Variants in SMC6 observed in about 807,000 individuals in gnomAD.
SMC6 encodes the protein structural maintenance of chromosomes 6.
SMC6 carries 79 observed loss-of-function variants against 142.2 expected under a neutral mutation model. The ratio of observed to expected loss-of-function variants is 0.56; its 90% CI spans 0.46 to 0.67. The LOEUF (loss-of-function observed/expected upper bound fraction) is 0.67, where lower values mean the gene tolerates loss of function less well. Among genes scored for constraint, SMC6 ranks in the 30% least tolerant of loss-of-function variants. The pLI is 0.00. For missense variants in SMC6, 1,072 were observed against 1,284.0 expected, an observed-to-expected ratio of 0.83 and a Z score of 2.52; for synonymous variants, 411 against 412.4, an observed-to-expected ratio of 1.00 and a Z score of 0.04.
Position 17,670,637 on chromosome 2 carries a change from C to T in SMC6, c.2911-62G>A, listed in dbSNP as rs1191337422. 2.2e-6 allele frequency: 3 copies of T among 1,390,106 alleles called. No individual in the cohort carries two copies. In the African/African-American group the frequency reaches 4.5e-5, roughly 21 times the overall value. 86.1% of individuals were successfully genotyped at this position (1,390,106 alleles called of 1,614,324 possible). On this transcript the variant is annotated intron_variant, in intron 25 of 27. Coordinates refer to ENST00000448223, the MANE Select transcript of SMC6 (RefSeq NM_001142286.2). ...AGTAAATGAAAGGCCAGATTAAATT[C>T]TTTACAAGACAGATAAATAATAGAT...
chr2:17,717,028 A>G (rs1226232469), intron 13 of SMC6, 60 bp downstream of exon 13: 2 of 1,545,974 alleles, frequency 1.3e-6, no homozygotes, highest in East Asian at 2.3e-5. Flanking sequence ...ACTCCAATGC[A>G]TCTACCTTAC....
chr2:17,664,662 G>T lies in SMC6; in HGVS notation c.*837C>A, dbSNP rs767546164. ...TTTTAACACCCCTCAATTAGGATGAGTCTTAGAATTGATGTCAGCTCACCA... is the reference window on the plus strand; with the variant it reads ...TTTTAACACCCCTCAATTAGGATGATTCTTAGAATTGATGTCAGCTCACCA... On this transcript the variant is annotated 3_prime_UTR_variant, in exon 28 of 28. Coordinates refer to ENST00000448223, the MANE Select transcript of SMC6 (RefSeq NM_001142286.2). The T allele has an allele frequency of 6.6e-6, 1 of 152,172 alleles. No homozygotes were observed. Among genetic ancestry groups the T allele is most frequent in the African/African-American group, 2.4e-5 (1 of 41,438 alleles). The allele number at this position is 152,172 out of a possible 1,614,324, so 9.4% of individuals were successfully genotyped here.
At chr2:17,728,192 T>C (rs1440604085) in intron 7 of SMC6, among the ~76,000 whole-genome samples, 1 of 152,198 alleles carries the variant, frequency 6.6e-6, no homozygotes. Context: ...TCTCAGCACT[T>C]TGGGAGGCTG....
intron 21 of SMC6, among the ~76,000 whole-genome samples, chr2:17,697,173 T>TGGCGTCTA (rs1211048921): frequency 1.3e-5 from 2 of 152,052 alleles, no homozygotes; most frequent in Non-Finnish European, 2.9e-5. Flanking sequence ...TCCAGTCTCA[T>TGGCGTCTA]GGCGTCTATT....
intron 25 of SMC6, among the ~76,000 whole-genome samples, chr2:17,675,952 C>T (rs1005465548): frequency 1.3e-5 from 2 of 152,096 alleles, no homozygotes; most frequent in Admixed American, 6.6e-5. Context: ...TCTTTCTGCT[C>T]ATTCTTTGTT....
intron 16 of SMC6, among the ~76,000 whole-genome samples, chr2:17,710,005 A>T (rs1412501213): frequency 2.0e-5 from 3 of 152,202 alleles, no homozygotes; most frequent in Admixed American, 2.0e-4. Flanking sequence ...CCAGGCCTAG[A>T]GGTCACAGTC....
In SMC6 at chr2:17,723,276, C is replaced by T. The variant is rs1242783198; in HGVS notation, c.726+1981G>A. Among the ~76,000 whole-genome samples, 5 of 152,310 alleles carry T rather than the reference C, an allele frequency of 3.3e-5. 2 individuals carry two copies. In the South Asian group the frequency reaches 8.3e-4, roughly 25 times the overall value. ...AATGCCTTCTTAATCAATCTTTCCA[C>T]ATCTCTTCTCTCCTTATAGCAGTTC... On this transcript the variant is annotated intron_variant, in intron 9 of 27. Coordinates refer to ENST00000448223, the MANE Select transcript of SMC6 (RefSeq NM_001142286.2).
rs1414881131 is a variant in SMC6, at chr2:17,721,232, T to C, written c.756A>G (p.Val252=). 1.9e-6 allele frequency: 3 copies of C among 1,608,760 alleles called. No homozygotes were observed. Among genetic ancestry groups the C allele is most frequent in the Admixed American group, 1.7e-5 (1 of 58,776 alleles). ...TACTTTGAAAACGTTCCTCTTTCTC[T>C]ACACACTGGCGCTTTAGTTCAGTAA... ...ERLTELKRQC[V]EKEERFQSIA... is the part of the protein sequence containing the mutation. Residue 252 remains valine (V), a synonymous_variant, in exon 10 of 28, where the codon GTA becomes GTG. Transcript: ENST00000448223.
chr2:17,718,804 T>G (rs1207408444), intron 11 of SMC6, among the ~76,000 whole-genome samples: 2 of 152,028 alleles, frequency 1.3e-5, no homozygotes, highest in African/African-American at 4.8e-5. Context: ...GATGAAGGGG[T>G]AGAAGGGCCT....
chr2:17,740,953 T>G, intron 4 of SMC6: 1 of 286,358 alleles, frequency 3.5e-6, no homozygotes, highest in Non-Finnish European at 6.8e-6. Flanking sequence ...TTCAAACTCT[T>G]TAACATGACA....
chr2:17,703,411 G>T, intron 18 of SMC6, 119 bp from the exon 19 acceptor site: 2 of 799,838 alleles, frequency 2.5e-6, no homozygotes, highest in Non-Finnish European at 3.8e-6. Context: ...ATCCTTTTCA[G>T]TTAAACCAGT....
At chr2:17,692,774 C>A (rs1265863482) in intron 23 of SMC6, among the ~76,000 whole-genome samples, 1 of 152,194 alleles carries the variant, frequency 6.6e-6, no homozygotes, top group East Asian at 1.9e-4. Flanking sequence ...AGGCAACCTA[C>A]AGAATGGGAG....
At chr2:17,702,878 T>C (rs1668338552) in intron 19 of SMC6, among the ~76,000 whole-genome samples, 1 of 152,226 alleles carries the variant, frequency 6.6e-6, no homozygotes, top group South Asian at 2.1e-4. Context: ...TAAACCTCTT[T>C]TTCTTTATTA....
Position 17,716,883 on chromosome 2 carries a change from C to A in SMC6, c.1204G>T (p.Glu402Ter). 6.2e-7 allele frequency: 1 copy of A among 1,609,884 alleles called. No homozygotes were observed. Among genetic ancestry groups the A allele is most frequent in the Non-Finnish European group, 8.5e-7 (1 of 1,178,884 alleles). ...ATTTTTTTTTGTCTTTCCAACCGTT[C>A]AGGTTCCAAAGATTGGTCAGTACTA... The part of the protein sequence containing the change: ...KKSTDQSLEP[E>*]RLERQKKISW... Residue 402 changes from glutamate to a stop codon, truncating the protein, a stop_gained, in exon 14 of 28, where the codon GAA becomes TAA. Transcript: ENST00000448223. LOFTEE classifies it high-confidence loss of function.
chr2:17,722,184 T>G (rs1669402683), intron 9 of SMC6, among the ~76,000 whole-genome samples: 1 of 151,938 alleles, frequency 6.6e-6, no homozygotes, highest in African/African-American at 2.4e-5. Flanking sequence ...CCTCATTCAT[T>G]CCCTCTCTCC....
chr2:17,738,505 A>G (rs1670268862), intron 4 of SMC6, among the ~76,000 whole-genome samples, 179 bp from the exon 5 acceptor site: 1 of 152,222 alleles, frequency 6.6e-6, no homozygotes, highest in South Asian at 2.1e-4. Flanking sequence ...TATATATGTA[A>G]GGAAAAATTG....
At chr2:17,673,547 A>G (rs1431099571) in intron 25 of SMC6, among the ~76,000 whole-genome samples, 1 of 151,324 alleles carries the variant, frequency 6.6e-6, no homozygotes, top group Non-Finnish European at 1.5e-5. Flanking sequence ...CTTACTGTTT[A>G]TTATTTAAAA....
chr2:17,745,726 C>G, intron 3 of SMC6, 101 bp downstream of exon 3: 1 of 1,269,424 alleles, frequency 7.9e-7, no homozygotes, highest in South Asian at 1.8e-5. Flanking sequence ...TTTAAAAAAT[C>G]ATATTACTTT....
chr2:17,750,094 A>T (rs960969105), intron 2 of SMC6, among the ~76,000 whole-genome samples: 1 of 152,238 alleles, frequency 6.6e-6, no homozygotes, highest in African/African-American at 2.4e-5. Flanking sequence ...CTAAAATTTC[A>T]GGATCAGCAA....
Sources: allele counts gnomAD v4.1 joint callset (sites outside exome capture counted in the v4.1 genomes callset), GRCh38; gene constraint gnomAD v4.1.1; transcripts MANE v1.5; gene names NCBI Gene and HGNC (gene_info 2026-07-23, HGNC 2026-07-21).